DAAM1: variants seen among roughly 807,000 people sequenced by gnomAD.
DAAM1 encodes dishevelled associated activator of morphogenesis 1, also known as disheveled-associated activator of morphogenesis 1.
In DAAM1, 52 loss-of-function variants were observed where a neutral mutation model predicts 130.0. The ratio of observed to expected loss-of-function variants is 0.40; its 90% CI spans 0.32 to 0.50. The LOEUF (loss-of-function observed/expected upper bound fraction) is 0.50. DAAM1 is among the 20% of genes least tolerant of loss of function. The probability of loss-of-function intolerance (pLI) is 0.61; values close to 1 mark genes in which losing one functional copy is unlikely to be tolerated. For synonymous variants in DAAM1, 452 were observed against 444.5 expected (o/e 1.02, Z -0.21); for missense variants, 1,134 against 1,303.8 (o/e 0.87, Z 2.01).
At chr14:59,234,677 G>GC (rs1889233868) in intron 1 of DAAM1, among the ~76,000 whole-genome samples, 1 of 152,158 alleles carries the variant, frequency 6.6e-6, no homozygotes, top group Non-Finnish European at 1.5e-5. Flanking sequence ...AACGGGAGTG[G>GC]TGAGAGAGGG....
chr14:59,276,776 A>G (rs1192383096), intron 2 of DAAM1, among the ~76,000 whole-genome samples: 2 of 152,094 alleles, frequency 1.3e-5, no homozygotes, highest in Non-Finnish European at 2.9e-5. Flanking sequence ...ATTAAAAAGC[A>G]AAACAAAAGA....
At chr14:59,210,091 A>C (rs1198631615) in intron 1 of DAAM1, among the ~76,000 whole-genome samples, 5 of 152,190 alleles carry the variant, frequency 3.3e-5, no homozygotes, top group African/African-American at 1.2e-4. Flanking sequence ...GCAGTGAGCT[A>C]TGATACAGCC....
intron 1 of DAAM1, among the ~76,000 whole-genome samples, chr14:59,250,587 T>G (rs1452280525): frequency 2.6e-5 from 4 of 152,212 alleles, no homozygotes; most frequent in African/African-American, 9.6e-5. Flanking sequence ...CATCCTTTTT[T>G]CAGTAGGATA....
chr14:59,284,609 T>A (rs1883361145), intron 2 of DAAM1, among the ~76,000 whole-genome samples: 1 of 152,106 alleles, frequency 6.6e-6, no homozygotes, highest in African/African-American at 2.4e-5. Flanking sequence ...GAAATAACCA[T>A]TTTTAAGAAA....
chr14:59,360,779 T>C (rs752348507), intron 21 of DAAM1, 23 bp from the exon 22 acceptor site: 4 of 1,610,962 alleles, frequency 2.5e-6, no homozygotes, highest in East Asian at 2.2e-5. Context: ...TGTTGATTGC[T>C]AAAACATTGC....
chr14:59,193,974 A>T (rs1039101171), intron 1 of DAAM1, among the ~76,000 whole-genome samples: 4 of 152,202 alleles, frequency 2.6e-5, no homozygotes, highest in African/African-American at 9.7e-5. Context: ...TACGTCATTG[A>T]CTGCACATAA....
At chr14:59,262,699 T>TAA (rs778897430) in intron 1 of DAAM1, among the ~76,000 whole-genome samples, 4 of 144,048 alleles carry the variant, frequency 2.8e-5, no homozygotes, top group African/African-American at 7.7e-5. Flanking sequence ...TGTGTGTGTG[T>TAA]AATTTAACCA....
chr14:59,286,706 AC>A (rs2139555499), intron 2 of DAAM1, among the ~76,000 whole-genome samples: 1 of 152,272 alleles, frequency 6.6e-6, no homozygotes, highest in South Asian at 2.1e-4. Flanking sequence ...TCCCAGAAAC[AC>A]ACAGCCTCCC....
chr14:59,213,683 A>G (rs1283396438), intron 1 of DAAM1, among the ~76,000 whole-genome samples: 1 of 152,216 alleles, frequency 6.6e-6, no homozygotes, highest in Non-Finnish European at 1.5e-5. Context: ...CGTATATGTA[A>G]ATGCTTGTCT....
intron 15 of DAAM1, among the ~76,000 whole-genome samples, chr14:59,333,246 A>C (rs552205945): frequency 6.6e-6 from 1 of 152,328 alleles, no homozygotes; most frequent in East Asian, 1.9e-4. Flanking sequence ...GTTGCCTGCC[A>C]TAGTGACATG....
intron 13 of DAAM1, 147 bp downstream of exon 13, chr14:59,330,835 C>A: frequency 1.2e-6 from 1 of 866,912 alleles, no homozygotes; most frequent in Non-Finnish European, 1.7e-6. Flanking sequence ...ACTCCCTCTG[C>A]TATCATGTAG....
chr14:59,225,027 T>TG (rs1422668367), intron 1 of DAAM1, among the ~76,000 whole-genome samples: 2 of 138,334 alleles, frequency 1.4e-5, no homozygotes, highest in South Asian at 2.5e-4. Context: ...GGGTTTTTTT[T>TG]TTTTTTTTTT....
At chr14:59,353,223 T>G (rs564058752) in intron 18 of DAAM1, among the ~76,000 whole-genome samples, 33 of 152,304 alleles carry the variant, frequency 2.2e-4, no homozygotes, top group Non-Finnish European at 2.9e-5. Context: ...GCTAAGTCGA[T>G]CTGCTATCTC....
intron 1 of DAAM1, among the ~76,000 whole-genome samples, chr14:59,243,519 T>C (rs1369270197): frequency 6.6e-6 from 1 of 152,224 alleles, no homozygotes. Flanking sequence ...AGATCAGTAC[T>C]CAGCCTATAA....
intron 1 of DAAM1, among the ~76,000 whole-genome samples, chr14:59,215,332 C>T (rs1186115807): frequency 6.6e-6 from 1 of 152,230 alleles, no homozygotes; most frequent in Non-Finnish European, 1.5e-5. Flanking sequence ...TCCATGGGAA[C>T]ATGTGCTTGG....
intron 1 of DAAM1, among the ~76,000 whole-genome samples, chr14:59,257,730 C>T (rs1467790044): frequency 6.6e-6 from 1 of 152,208 alleles, no homozygotes. Flanking sequence ...TCTTCAGCCT[C>T]TTCCTTCCTA....
intron 1 of DAAM1, among the ~76,000 whole-genome samples, chr14:59,217,928 A>C (rs1449066630): frequency 1.1e-4 from 17 of 151,626 alleles, no homozygotes; most frequent in Admixed American, 1.1e-3. Flanking sequence ...CGGAGGTTGC[A>C]CGCCACTGCA....
chr14:59,291,978 A>G (rs1883757346), intron 3 of DAAM1, among the ~76,000 whole-genome samples: 1 of 152,084 alleles, frequency 6.6e-6, no homozygotes, highest in South Asian at 2.1e-4. Context: ...TGAAACACCA[A>G]AGCTCTTCTT....
At position 59,244,744 on chromosome 14, in the gene DAAM1, G is replaced by A. The variant is rs72726345; in HGVS notation, c.-37-18697G>A. Among the ~76,000 whole-genome samples the A allele has an allele frequency of 1.0e-3, 153 of 152,262 alleles. No individual in the cohort carries two copies. The Middle Eastern group carries it at 0.024, about 24-fold the overall frequency. ...ACGTGTGGTGTGTGTGTGTATTTAG[G>A]TTGGTGAAGTATCTGGCATCACTGT... On this transcript the variant is annotated intron_variant, in intron 1 of 24. Transcript: ENST00000360909.
Sources: gnomAD v4.1 joint callset for allele counts (sites outside exome capture counted in the v4.1 genomes callset) on GRCh38, gnomAD v4.1.1 for gene constraint, MANE v1.5 for transcripts, NCBI Gene and HGNC (gene_info 2026-07-23, HGNC 2026-07-21) for gene names.